Variants in PIWIL2 observed in about 807,000 individuals in gnomAD.
PIWIL2 encodes the protein piwi-like protein 2.
PIWIL2 carries 81 observed loss-of-function variants against 116.5 expected under a neutral mutation model. That is an observed-to-expected ratio of 0.70 (90% CI 0.58 to 0.84). The LOEUF (loss-of-function observed/expected upper bound fraction) is 0.84. PIWIL2 is among the 40% of genes least tolerant of loss of function. The pLI is 0.00. For synonymous variants in PIWIL2, 489 were observed against 429.5 expected, an observed-to-expected ratio of 1.14 and a Z score of -1.71; for missense variants, 1,272 against 1,212.3, an observed-to-expected ratio of 1.05 and a Z score of -0.73.
In PIWIL2 at chr8:22,309,971, G is replaced by T. The variant is rs756790734; in HGVS notation, c.1697G>T (p.Arg566Leu). 3.1e-6 allele frequency: 5 copies of T among 1,591,392 alleles called. No homozygotes were observed. The highest frequency in any genetic ancestry group is 4.3e-6 in the Non-Finnish European group (5 of 1,159,582). The change falls in exon 15 of 23, where the codon CGT becomes CTT. Residue 566 changes from arginine to leucine, a missense_variant. Physicochemically the swap from Arg to Leu is moderately radical, Grantham distance 102. Coordinates refer to ENST00000356766, the MANE Select transcript of PIWIL2 (RefSeq NM_018068.5). ...TTATTTTCTGTTTAGATTGAAGGAC[G>T]TGTTCTGCCAATGGAAAGAATTAAC... ...LQKDVHKIEG[R>L]VLPMERINLK...
chr8:22,314,959 A>C, intron 17 of PIWIL2, 70 bp from the exon 18 acceptor site: 2 of 784,692 alleles, frequency 2.5e-6, no homozygotes, highest in African/African-American at 3.4e-5. Flanking sequence ...TGTTTACTTT[A>C]GAGTTCAGAT....
intron 10 of PIWIL2, 107 bp downstream of exon 10, chr8:22,290,453 TC>T (rs566627354): frequency 2.5e-5 from 16 of 649,266 alleles, no homozygotes; most frequent in Middle Eastern, 2.7e-4. Context: ...GTTTGTTTTT[TC>T]CCCCAGAGAC....
At chr8:22,302,443 T>A (rs906665616) in intron 10 of PIWIL2, among the ~76,000 whole-genome samples, 1 of 152,180 alleles carries the variant, frequency 6.6e-6, no homozygotes, top group African/African-American at 2.4e-5. Flanking sequence ...CCTCCCAAAG[T>A]GCTGGGATTA....
rs151076601 is a variant in PIWIL2 at position 22,284,294 on chromosome 8, A to C, written c.743+22A>C. ...TCAGGTATTCACAGCTTTCCTTTGT[A>C]TTGTTCACTTCTTAAAGGGCAGTAA... On this transcript the variant is annotated intron_variant, in intron 6 of 22. Transcript: ENST00000356766. 3 of 1,246,442 alleles carry C rather than the reference A, an allele frequency of 2.4e-6. No individual in the cohort carries two copies. The South Asian group carries it at 3.9e-5, about 16-fold the overall frequency. 77.2% of individuals were successfully genotyped at this position (1,246,442 alleles called of 1,614,324 possible).
intron 1 of PIWIL2, among the ~76,000 whole-genome samples, chr8:22,276,680 C>CACTTGACCTCAA (rs1830380036): frequency 6.6e-6 from 1 of 152,124 alleles, no homozygotes; most frequent in East Asian, 1.9e-4. Context: ...GTGAGAGGAT[C>CACTTGACCTCAA]ACTTGAGGTC....
intron 2 of PIWIL2, among the ~76,000 whole-genome samples, chr8:22,280,836 C>T (rs577234175): frequency 5.3e-5 from 8 of 152,154 alleles, no homozygotes; most frequent in Admixed American, 1.3e-4. Flanking sequence ...TGTTCTGTTG[C>T]ATTTTGTTAT....
intron 20 of PIWIL2, among the ~76,000 whole-genome samples, chr8:22,333,293 G>T (rs1831903466): frequency 6.6e-6 from 1 of 152,222 alleles, no homozygotes; most frequent in African/African-American, 2.4e-5. Context: ...TGTGAATGAA[G>T]CCAGTCACAA....
intron 17 of PIWIL2, among the ~76,000 whole-genome samples, chr8:22,314,711 T>A (rs555975484): frequency 1.3e-5 from 2 of 152,246 alleles, no homozygotes; most frequent in African/African-American, 4.8e-5. Flanking sequence ...TAGGCTTCAT[T>A]CTGAAAGGGG....
intron 18 of PIWIL2, 27 bp from the exon 19 acceptor site, chr8:22,316,218 G>A: frequency 6.8e-7 from 1 of 1,474,758 alleles, no homozygotes; most frequent in Non-Finnish European, 9.5e-7. Flanking sequence ...TCTGGGGTTT[G>A]GTTTTTGTTT....
chr8:22,346,953 C>T (rs572699935), intron 20 of PIWIL2, among the ~76,000 whole-genome samples: 24 of 152,002 alleles, frequency 1.6e-4, no homozygotes, highest in African/African-American at 5.8e-4. Context: ...GTAGGAGGAG[C>T]ACTTGAGCCC....
In PIWIL2 at chr8:22,287,606, T is replaced by C. The variant is rs753450512; in HGVS notation, c.822T>C (p.Phe274=). Reference sequence around the variant, plus strand: ...CTGTCACCGGCAACGTCACTGCGTTTGATGGATCTATTCTCTATCTGCCTG... The same window carrying C: ...CTGTCACCGGCAACGTCACTGCGTTCGATGGATCTATTCTCTATCTGCCTG... ...HQAVTGNVTA[F]DGSILYLPVK... Residue 274 remains phenylalanine (F), a synonymous_variant, in exon 7 of 23, where the codon TTT becomes TTC. Coordinates refer to ENST00000356766, the MANE Select transcript of PIWIL2 (RefSeq NM_018068.5). 6.2e-7 allele frequency: 1 copy of C among 1,613,024 alleles called. No individual in the cohort carries two copies. Among genetic ancestry groups the C allele is most frequent in the Admixed American group, 1.7e-5 (1 of 60,028 alleles).
intron 19 of PIWIL2, 27 bp from the exon 20 acceptor site, chr8:22,318,143 C>G: frequency 7.1e-7 from 1 of 1,411,138 alleles, no homozygotes; most frequent in Non-Finnish European, 1.0e-6. Flanking sequence ...CTTCCTTTCT[C>G]TGTCTCTCTG....
At position 22,315,053 on chromosome 8, in the gene PIWIL2, C is replaced by G; in HGVS notation, c.2116C>G (p.Gln706Glu). The G allele has an allele frequency of 6.2e-7, 1 of 1,613,144 alleles. No homozygotes were observed. Among genetic ancestry groups the G allele is most frequent in the Non-Finnish European group, 8.5e-7 (1 of 1,179,124 alleles). Reference sequence around the variant, plus strand: ...GGTTGTCAATGTTCGAACCATTGGTCAGCCCACCAGGCTTCGGAGTGTGGC... The same window carrying G: ...GGTTGTCAATGTTCGAACCATTGGTGAGCCCACCAGGCTTCGGAGTGTGGC... ...SQVVNVRTIG[Q>E]PTRLRSVAQK... The change falls in exon 18 of 23, where the codon CAG becomes GAG. Residue 706 changes from glutamine (Q) to glutamate (E), a missense_variant. Gln to Glu is a conservative substitution (Grantham distance 29). Coordinates refer to ENST00000356766, the MANE Select transcript of PIWIL2 (RefSeq NM_018068.5).
chr8:22,284,501 T>G (rs1345556581), intron 6 of PIWIL2, among the ~76,000 whole-genome samples: 2 of 151,980 alleles, frequency 1.3e-5, no homozygotes, highest in African/African-American at 4.8e-5. Flanking sequence ...GATTTATACA[T>G]GAGGCTAGAA....
chr8:22,321,012 C>T (rs2132062989), intron 20 of PIWIL2, among the ~76,000 whole-genome samples: 1 of 152,308 alleles, frequency 6.6e-6, no homozygotes, highest in East Asian at 1.9e-4. Flanking sequence ...TTTCTAGTAT[C>T]ACAATTCTAT....
At chr8:22,322,333 C>G (rs968714797) in intron 20 of PIWIL2, among the ~76,000 whole-genome samples, 5 of 152,012 alleles carry the variant, frequency 3.3e-5, no homozygotes. Context: ...TCACTGCAGC[C>G]TCAACCTCCT....
intron 4 of PIWIL2, among the ~76,000 whole-genome samples, 199 bp downstream of exon 4, chr8:22,281,714 T>G (rs917181040): frequency 4.0e-5 from 6 of 151,752 alleles, no homozygotes; most frequent in Non-Finnish European, 5.9e-5. Context: ...AGTTCTCCAC[T>G]GGGCTGTTCA....
At chr8:22,315,543 C>G (rs1387281346) in intron 18 of PIWIL2, among the ~76,000 whole-genome samples, 6 of 152,138 alleles carry the variant, frequency 3.9e-5, no homozygotes, top group African/African-American at 1.4e-4. Context: ...TCTCAAACTC[C>G]TGACCTGGTG....
intron 16 of PIWIL2, among the ~76,000 whole-genome samples, chr8:22,311,758 C>T (rs1297100156): frequency 6.6e-6 from 1 of 152,076 alleles, no homozygotes; most frequent in African/African-American, 2.4e-5. Flanking sequence ...CAGGTCATAG[C>T]ACTCACAACT....
Sources: gnomAD v4.1 joint callset for allele counts (sites outside exome capture counted in the v4.1 genomes callset) on GRCh38, gnomAD v4.1.1 for gene constraint, MANE v1.5 for transcripts, NCBI Gene and HGNC (gene_info 2026-07-23, HGNC 2026-07-21) for gene names.